Variants in ARHGAP21 observed in about 807,000 individuals in gnomAD.
ARHGAP21 encodes the protein rho GTPase-activating protein 21.
A neutral mutation model predicts 164.6 loss-of-function variants in ARHGAP21; 38 were observed. That is an observed-to-expected ratio of 0.23 (90% CI 0.18 to 0.30). The LOEUF is 0.30. ARHGAP21 is among the 10% of genes least tolerant of loss of function. The pLI is 1.00. For missense variants in ARHGAP21, 1,822 were observed against 2,370.7 expected, an observed-to-expected ratio of 0.77 and a Z score of 4.81; for synonymous variants, 766 against 857.9, an observed-to-expected ratio of 0.89 and a Z score of 1.87.
At chr10:24,634,799 A>G (rs1485394093) in intron 5 of ARHGAP21, among the ~76,000 whole-genome samples, 1 of 152,248 alleles carries the variant, frequency 6.6e-6, no homozygotes, top group African/African-American at 2.4e-5. Context: ...AAGTGCTCAC[A>G]GTGTATCAAT....
In ARHGAP21 at chr10:24,722,130, G is replaced by A; in HGVS notation, c.-231C>T. ...ACTTCGCCTTCTTCTTCCATTTCTG[G>A]AGACTTAAAAACAAAGGCGACAGGT... On this transcript the variant is annotated 5_prime_UTR_variant, in exon 2 of 26. Transcript: ENST00000396432. 1 of 574,336 alleles carries A rather than the reference G, an allele frequency of 1.7e-6. No individual in the cohort carries two copies. Among genetic ancestry groups the A allele is most frequent in the Non-Finnish European group, 3.1e-6 (1 of 319,630 alleles). The allele number at this position is 574,336 out of a possible 1,614,324, so 35.6% of individuals were successfully genotyped here.
intron 9 of ARHGAP21, among the ~76,000 whole-genome samples, chr10:24,616,117 A>C (rs1490212174): frequency 6.6e-6 from 1 of 152,154 alleles, no homozygotes. Flanking sequence ...TCGTTACTCA[A>C]ATAGTGGAAG....
At chr10:24,603,749 G>A (rs956363547) in intron 12 of ARHGAP21, among the ~76,000 whole-genome samples, 31 of 152,170 alleles carry the variant, frequency 2.0e-4, no homozygotes, top group Admixed American at 9.2e-4. Flanking sequence ...TGTAATCCCA[G>A]CACTTTGGGA....
chr10:24,641,735 C>T (rs915021761), intron 4 of ARHGAP21, among the ~76,000 whole-genome samples: 1 of 152,172 alleles, frequency 6.6e-6, no homozygotes, highest in Non-Finnish European at 1.5e-5. Context: ...GTGGCTCACG[C>T]CTGTAATCCC....
intron 7 of ARHGAP21, among the ~76,000 whole-genome samples, chr10:24,625,496 G>C (rs1427584384): frequency 6.7e-6 from 1 of 149,838 alleles, no homozygotes; most frequent in Non-Finnish European, 1.5e-5. Flanking sequence ...TGTAGATGGA[G>C]AAGGACTTTC....
At chr10:24,623,333 CTATTG>C in intron 7 of ARHGAP21, among the ~76,000 whole-genome samples, 1 of 152,278 alleles carries the variant, frequency 6.6e-6, no homozygotes, top group Non-Finnish European at 1.5e-5. Flanking sequence ...GCCTTTTGTA[CTATTG>C]TATTAGTTTG....
chr10:24,585,913 T>C lies in ARHGAP21; in HGVS notation c.4376A>G (p.Lys1459Arg), dbSNP rs1172685478. Residue 1459 changes from lysine to arginine, a missense_variant, in exon 26 of 26, where the codon AAA becomes AGA. Lys to Arg is a conservative substitution (Grantham distance 26). Transcript: ENST00000396432. Reference protein sequence around the residue: ...QCHNDTKEESKKESETLGRKQ... With the variant: ...QCHNDTKEESRKESETLGRKQ... The stretch of plus-strand genomic sequence containing the variant: ...TCTGCCCAGTGTCTCACTTTCTTTT[T>C]TGGACTCCTCTTTAGTATCATTGTG... 1.9e-6 allele frequency: 3 copies of C among 1,614,006 alleles called. No individual in the cohort carries two copies. The highest frequency in any genetic ancestry group is 2.7e-5 in the African/African-American group (2 of 74,920).
At chr10:24,642,514 CAAAAAAAAAA>C (rs57154901) in intron 4 of ARHGAP21, among the ~76,000 whole-genome samples, 2 of 47,904 alleles carry the variant, frequency 4.2e-5, no homozygotes, top group African/African-American at 1.4e-4. Context: ...GACTCCGTCT[CAAAAAAAAAA>C]AAAAAAAAAA....
rs796774653 is a variant in ARHGAP21 at position 24,711,364 on chromosome 10, G to GA, written c.63+10472dup. Among the ~76,000 whole-genome samples, 1,350 of 140,718 alleles carry GA rather than the reference G, an allele frequency of 9.6e-3. 18 individuals carry two copies. Among genetic ancestry groups the GA allele is most frequent in the African/African-American group, 0.031 (1,195 of 38,524 alleles). The allele number at this position is 140,718 out of a possible 152,430, so 92.3% of individuals were successfully genotyped here. Reference sequence around the variant, plus strand: ...TAAACGAAAAGTTCATACCAAAAAAGAAAAAAAAAAACTCAGAGACTAAAG... The same window carrying GA: ...TAAACGAAAAGTTCATACCAAAAAAGAAAAAAAAAAAACTCAGAGACTAAAG... On this transcript the variant is annotated intron_variant, in intron 2 of 25. Coordinates refer to ENST00000396432, the MANE Select transcript of ARHGAP21 (RefSeq NM_020824.4).
chr10:24,652,689 G>A (rs373098096), intron 4 of ARHGAP21, among the ~76,000 whole-genome samples: 85 of 152,212 alleles, frequency 5.6e-4, no homozygotes, highest in African/African-American at 2.0e-3. Context: ...TAGTCTTCAG[G>A]AAATCCAAAT....
chr10:24,688,474 T>C (rs1565165989), intron 2 of ARHGAP21, among the ~76,000 whole-genome samples: 1 of 152,198 alleles, frequency 6.6e-6, no homozygotes, highest in Non-Finnish European at 1.5e-5. Flanking sequence ...ATTTGCCAAA[T>C]GTTACACAAA....
At position 24,585,635 on chromosome 10, in the gene ARHGAP21, T is replaced by G; in HGVS notation, c.4654A>C (p.Thr1552Pro). Reference protein sequence around the residue: ...TGSDSGTLLSTSSQASLARFS... With the variant: ...TGSDSGTLLSPSSQASLARFS... ...CTTGCCAGGGAGGCCTGGGAAGACG[T>G]GCTGAGCAAAGTGCCAGAGTCAGAG... The change falls in exon 26 of 26, where the codon ACG (threonine) becomes CCG (proline). Residue 1552 changes from threonine to proline, a missense_variant. By Grantham distance (38) the Thr-to-Pro change is conservative. Around this residue, in one of 5 missense-constraint regions of ARHGAP21, gnomAD observed 333 missense variants for 383.9 expected, o/e 0.87. Transcript: ENST00000396432. 1.2e-6 allele frequency: 2 copies of G among 1,614,168 alleles called. No individual in the cohort carries two copies. The highest frequency in any genetic ancestry group is 2.2e-5 in the East Asian group (1 of 44,868).
intron 6 of ARHGAP21, among the ~76,000 whole-genome samples, chr10:24,631,027 A>G (rs1835800401): frequency 6.6e-6 from 1 of 152,172 alleles, no homozygotes; most frequent in Non-Finnish European, 1.5e-5. Flanking sequence ...AATTTCCCTA[A>G]GTTTAGAAAG....
In ARHGAP21 at chr10:24,714,774, C is replaced by T. The variant is rs910494068; in HGVS notation, c.63+7063G>A. On this transcript the variant is annotated intron_variant, in intron 2 of 25. Transcript: ENST00000396432. Reference sequence around the variant, plus strand: ...TTTTGGCCGGGCACGGTGGTTCACGCCTGTAATCCTAGCACTTTGGGAGGC... The same window carrying T: ...TTTTGGCCGGGCACGGTGGTTCACGTCTGTAATCCTAGCACTTTGGGAGGC... Among the ~76,000 whole-genome samples the T allele has an allele frequency of 6.6e-5, 10 of 152,240 alleles. No individual in the cohort carries two copies. In the South Asian group the frequency reaches 1.7e-3, roughly 25 times the overall value.
chr10:24,682,098 C>T (rs745867099), intron 2 of ARHGAP21, among the ~76,000 whole-genome samples: 17 of 151,244 alleles, frequency 1.1e-4, no homozygotes, highest in African/African-American at 3.2e-4. Flanking sequence ...ACATAGTACA[C>T]GCACTATTTA....
chr10:24,666,310 G>A (rs1206196781), intron 4 of ARHGAP21, among the ~76,000 whole-genome samples: 2 of 152,194 alleles, frequency 1.3e-5, no homozygotes, highest in African/African-American at 2.4e-5. Flanking sequence ...GATTACAGGC[G>A]TGAGCGACTG....
At chr10:24,598,554 A>T (rs2076678908) in intron 14 of ARHGAP21, among the ~76,000 whole-genome samples, 1 of 151,570 alleles carries the variant, frequency 6.6e-6, no homozygotes. Flanking sequence ...AATTTGCATG[A>T]TTTTTTTTTA....
chr10:24,606,078 ATAAAT>A (rs998910781), intron 11 of ARHGAP21, among the ~76,000 whole-genome samples: 2 of 152,208 alleles, frequency 1.3e-5, no homozygotes, highest in Non-Finnish European at 2.9e-5. Context: ...TCTAATTTGA[ATAAAT>A]TAATTCCAGA....
At chr10:24,663,434 C>T (rs1839894177) in intron 4 of ARHGAP21, among the ~76,000 whole-genome samples, 1 of 152,156 alleles carries the variant, frequency 6.6e-6, no homozygotes, top group African/African-American at 2.4e-5. Flanking sequence ...GACTCATGGC[C>T]TATACACTTG....
Sources: allele counts gnomAD v4.1 joint callset (sites outside exome capture counted in the v4.1 genomes callset), GRCh38; gene constraint gnomAD v4.1.1; regional missense constraint gnomAD v4.1.1; transcripts MANE v1.5; gene names NCBI Gene and HGNC (gene_info 2026-07-23, HGNC 2026-07-21).